FER: variants seen among roughly 807,000 people sequenced by gnomAD.
FER encodes the protein FER tyrosine kinase, also known as tyrosine-protein kinase Fer.
In FER, 63 loss-of-function variants were observed where a neutral mutation model predicts 111.0. That is an observed-to-expected ratio of 0.57 (90% CI 0.46 to 0.70). The LOEUF is 0.70. FER is among the 30% of genes least tolerant of loss of function. The probability of loss-of-function intolerance (pLI) is 0.00; values close to 1 mark genes in which losing one functional copy is unlikely to be tolerated. For missense variants in FER, 914 were observed against 954.0 expected (o/e 0.96, Z 0.55); for synonymous variants, 327 against 313.9 (o/e 1.04, Z -0.44).
Position 109,037,946 on chromosome 5 carries a change from T to C in FER, c.1713+468T>C, listed in dbSNP as rs1040620396. Among the ~76,000 whole-genome samples, 4 of 151,912 alleles carry C rather than the reference T, an allele frequency of 2.6e-5. No homozygotes were observed. The East Asian group carries it at 7.7e-4, about 29-fold the overall frequency. On this transcript the variant is annotated intron_variant, in intron 14 of 19. Coordinates refer to ENST00000281092, the MANE Select transcript of FER (RefSeq NM_005246.4). ...ACAGTATGTAACAACACTGGGCATA[T>C]TTCAATCTAAAAATGTGGACAAGAC...
chr5:109,148,718 T>A (rs937722859), intron 17 of FER, among the ~76,000 whole-genome samples: 1 of 152,204 alleles, frequency 6.6e-6, no homozygotes, highest in African/African-American at 2.4e-5. Context: ...AATTTCCTTA[T>A]GTAAAATACT....
intron 3 of FER, chr5:108,820,004 A>G (rs763276882): frequency 1.2e-4 from 122 of 985,288 alleles, no homozygotes; most frequent in Non-Finnish European, 1.3e-4. Context: ...CAGGAAATAG[A>G]AAATAACAGA....
chr5:108,824,302 A>G (rs753807831), intron 3 of FER, among the ~76,000 whole-genome samples: 10 of 150,982 alleles, frequency 6.6e-5, no homozygotes, highest in Non-Finnish European at 1.3e-4. Context: ...TTTTTTTTCT[A>G]TTTCAAAATT....
chr5:108,979,331 T>G (rs1761763527), intron 13 of FER, among the ~76,000 whole-genome samples: 1 of 152,142 alleles, frequency 6.6e-6, no homozygotes, highest in Admixed American at 6.5e-5. Context: ...GACAATATGC[T>G]TAATCTCTTT....
intron 17 of FER, among the ~76,000 whole-genome samples, chr5:109,133,629 GA>G (rs1382751371): frequency 7.9e-5 from 12 of 152,086 alleles, no homozygotes; most frequent in Non-Finnish European, 1.5e-4. Context: ...TTGACTATTT[GA>G]AAAATTGAAA....
chr5:108,913,582 G>C (rs1751850860), intron 10 of FER, among the ~76,000 whole-genome samples: 1 of 152,118 alleles, frequency 6.6e-6, no homozygotes, highest in Non-Finnish European at 1.5e-5. Flanking sequence ...CACTACTTTG[G>C]AAAGCCTATT....
At chr5:109,033,383 C>A (rs1769916866) in intron 13 of FER, among the ~76,000 whole-genome samples, 1 of 152,086 alleles carries the variant, frequency 6.6e-6, no homozygotes, top group African/African-American at 2.4e-5. Context: ...TTGGCCATAT[C>A]TTCTGAGTGT....
At chr5:108,943,720 CTGTT>C (rs1358126022) in intron 10 of FER, among the ~76,000 whole-genome samples, 2 of 151,604 alleles carry the variant, frequency 1.3e-5, no homozygotes, top group African/African-American at 2.4e-5. Context: ...TAGAGTTTTT[CTGTT>C]TGTTTGTTTT....
Position 108,959,221 on chromosome 5 carries a change from C to G in FER, c.1534-4C>G. 1 of 1,610,786 alleles carries G rather than the reference C, an allele frequency of 6.2e-7. No homozygotes were observed. The highest frequency in any genetic ancestry group is 8.5e-7 in the Non-Finnish European group (1 of 1,178,106). The stretch of plus-strand genomic sequence containing the variant: ...TTTATTCTACCTTATTGTTCTCTCT[C>G]CAGAACATGTATCGATTCGAGGGCA... On this transcript the variant is annotated splice_polypyrimidine_tract_variant and splice_region_variant and intron_variant, in intron 12 of 19. Coordinates refer to ENST00000281092, the MANE Select transcript of FER (RefSeq NM_005246.4).
At chr5:109,005,901 A>G (rs191973302) in intron 13 of FER, among the ~76,000 whole-genome samples, 1 of 152,382 alleles carries the variant, frequency 6.6e-6, no homozygotes, top group African/African-American at 2.4e-5. Flanking sequence ...CAACCAGAGT[A>G]TAACTTAAGA....
rs1372731776 is a variant in FER at position 108,844,085 on chromosome 5, CGTGTGAACATATGT to C, written c.481+8289_481+8302del. Among the ~76,000 whole-genome samples, 4 of 79,252 alleles carry C rather than the reference CGTGTGAACATATGT, an allele frequency of 5.0e-5. 1 individual carries two copies. The allele number at this position is 79,252 out of a possible 152,430, so 52.0% of individuals were successfully genotyped here. A position where few individuals can be genotyped will look rare whatever the true frequency, so the allele number is the denominator to read the frequency against. On this transcript the variant is annotated intron_variant, in intron 5 of 19. Transcript: ENST00000281092. ...ATATATATGTGTGTGAACATATATG[CGTGTGAACATATGT>C]GTGTGAACATGTGTGTGAACACATA...
At chr5:108,758,986 G>A (rs1418521841) in intron 1 of FER, among the ~76,000 whole-genome samples, 1 of 152,118 alleles carries the variant, frequency 6.6e-6, no homozygotes, top group Non-Finnish European at 1.5e-5. Flanking sequence ...TGTCCCTCAA[G>A]AAAAGAAGAC....
chr5:108,749,787 G>A (rs1441747626), intron 1 of FER, among the ~76,000 whole-genome samples: 1 of 152,120 alleles, frequency 6.6e-6, no homozygotes, highest in African/African-American at 2.4e-5. Context: ...CACCTTCAGG[G>A]GTCATCCTTC....
chr5:109,179,417 T>G (rs1758046201), intron 17 of FER, among the ~76,000 whole-genome samples: 1 of 152,218 alleles, frequency 6.6e-6, no homozygotes, highest in Non-Finnish European at 1.5e-5. Flanking sequence ...TTTGAATATT[T>G]GTCCAATGCT....
chr5:109,056,998 T>C (rs562727104), intron 16 of FER, among the ~76,000 whole-genome samples: 4 of 152,310 alleles, frequency 2.6e-5, no homozygotes, highest in Admixed American at 2.0e-4. Flanking sequence ...GAGATTTTAT[T>C]TTATCAATAT....
chr5:108,877,722 G>T (rs1051990065), intron 8 of FER, among the ~76,000 whole-genome samples: 1 of 152,090 alleles, frequency 6.6e-6, no homozygotes, highest in Non-Finnish European at 1.5e-5. Context: ...TTTCAGCATT[G>T]CAAATTTCAT....
intron 3 of FER, among the ~76,000 whole-genome samples, chr5:108,801,800 T>C (rs1561441085): frequency 6.6e-6 from 1 of 152,210 alleles, no homozygotes; most frequent in Admixed American, 6.5e-5. Flanking sequence ...TGTCTTCTTT[T>C]TGGCATATCC....
At chr5:108,895,164 T>C (rs992458368) in intron 9 of FER, among the ~76,000 whole-genome samples, 1 of 152,198 alleles carries the variant, frequency 6.6e-6, no homozygotes, top group Non-Finnish European at 1.5e-5. Context: ...AGAAGTCACT[T>C]GTTAAAATTA....
chr5:108,799,850 T>TC (rs1756437243), intron 3 of FER, among the ~76,000 whole-genome samples: 1 of 151,134 alleles, frequency 6.6e-6, no homozygotes, highest in Admixed American at 6.6e-5. Context: ...TCTTTTCTTT[T>TC]TTTTTTTTTT....
Sources: allele counts gnomAD v4.1 joint callset (sites outside exome capture counted in the v4.1 genomes callset), GRCh38; gene constraint gnomAD v4.1.1; transcripts MANE v1.5; gene names NCBI Gene and HGNC (gene_info 2026-07-23, HGNC 2026-07-21).